RABGAP1L: variants seen among roughly 807,000 people sequenced by gnomAD.
RABGAP1L encodes the protein rab GTPase-activating protein 1-like.
Under a neutral mutation model 137.7 loss-of-function variants are expected in RABGAP1L, and 63 were observed. That is an observed-to-expected ratio of 0.46 (90% CI 0.37 to 0.56). The LOEUF is 0.56. Ranked by LOEUF, RABGAP1L falls within the 20% of genes least tolerant of loss-of-function variation. The pLI, the probability that RABGAP1L is intolerant of heterozygous loss-of-function variation, is 0.00. For synonymous variants in RABGAP1L, 431 were observed against 433.7 expected, an observed-to-expected ratio of 0.99 and a Z score of 0.08; for missense variants, 1,095 against 1,244.0, an observed-to-expected ratio of 0.88 and a Z score of 1.80.
intron 13 of RABGAP1L, among the ~76,000 whole-genome samples, chr1:174,527,875 T>C (rs1228746942): frequency 6.6e-6 from 1 of 150,886 alleles, no homozygotes. Context: ...CCTCCTGGAA[T>C]AATTACTTTA....
chr1:174,472,761 T>A (rs969440716), intron 13 of RABGAP1L, among the ~76,000 whole-genome samples: 2 of 152,142 alleles, frequency 1.3e-5, no homozygotes, highest in African/African-American at 4.8e-5. Flanking sequence ...AATTTCAGAC[T>A]CTCAGAAGGA....
At chr1:174,713,431 G>A (rs998344360) in intron 17 of RABGAP1L, among the ~76,000 whole-genome samples, 1 of 152,158 alleles carries the variant, frequency 6.6e-6, no homozygotes, top group African/African-American at 2.4e-5. Flanking sequence ...AGGCCTTGTG[G>A]GAGGTATTGG....
chr1:174,262,224 G>C (rs146747154), intron 7 of RABGAP1L, among the ~76,000 whole-genome samples: 1 of 152,188 alleles, frequency 6.6e-6, no homozygotes, highest in Non-Finnish European at 1.5e-5. Context: ...ACTGAAACTT[G>C]TAATCAGGAC....
At chr1:174,306,534 C>A (rs543104298) in intron 11 of RABGAP1L, among the ~76,000 whole-genome samples, 3 of 152,116 alleles carry the variant, frequency 2.0e-5, no homozygotes, top group African/African-American at 7.2e-5. Context: ...AGCATTTTTT[C>A]ATGTGTCTGT....
chr1:174,546,290 C>G (rs979814502), intron 13 of RABGAP1L, among the ~76,000 whole-genome samples: 1 of 152,118 alleles, frequency 6.6e-6, no homozygotes, highest in African/African-American at 2.4e-5. Context: ...TATTAGACCA[C>G]CTACTTACAT....
chr1:174,924,573 G>GTA (rs1662394161), intron 19 of RABGAP1L, among the ~76,000 whole-genome samples: 1 of 152,060 alleles, frequency 6.6e-6, no homozygotes, highest in Non-Finnish European at 1.5e-5. Context: ...ATTCTGCTCA[G>GTA]ATGTATTACT....
chr1:174,790,788 C>G (rs1452018430), intron 18 of RABGAP1L, among the ~76,000 whole-genome samples: 3 of 146,814 alleles, frequency 2.0e-5, no homozygotes, highest in Admixed American at 2.0e-4. Context: ...TGTGTGTGGG[C>G]AGGGGGCGGG....
chr1:174,369,687 CTT>C (rs1048132619), intron 11 of RABGAP1L, among the ~76,000 whole-genome samples: 2 of 152,078 alleles, frequency 1.3e-5, no homozygotes, highest in African/African-American at 2.4e-5. Context: ...TTTGCTTTAA[CTT>C]TTAAAATATC....
At chr1:174,500,430 C>G (rs1240789655) in intron 13 of RABGAP1L, among the ~76,000 whole-genome samples, 1 of 152,036 alleles carries the variant, frequency 6.6e-6, no homozygotes, top group Non-Finnish European at 1.5e-5. Flanking sequence ...ATACTGGCCC[C>G]CTCAATGTAT....
intron 7 of RABGAP1L, among the ~76,000 whole-genome samples, chr1:174,257,902 C>A (rs1673256765): frequency 6.6e-6 from 1 of 152,148 alleles, no homozygotes; most frequent in African/African-American, 2.4e-5. Flanking sequence ...TTTATTTTAA[C>A]AACTATTTTG....
intron 13 of RABGAP1L, among the ~76,000 whole-genome samples, chr1:174,493,821 G>GAAAAAA (rs1216753395): frequency 3.3e-5 from 3 of 89,616 alleles, no homozygotes; most frequent in Non-Finnish European, 4.5e-5. Flanking sequence ...GACCCTGTCT[G>GAAAAAA]AAAAAAAAAA....
intron 18 of RABGAP1L, among the ~76,000 whole-genome samples, chr1:174,773,788 T>G (rs1280614996): frequency 1.3e-5 from 2 of 152,210 alleles, no homozygotes; most frequent in African/African-American, 4.8e-5. Flanking sequence ...GTCATAATCT[T>G]TGAGATATAT....
chr1:174,453,569 A>G (rs529868482), intron 13 of RABGAP1L, among the ~76,000 whole-genome samples: 1 of 152,322 alleles, frequency 6.6e-6, no homozygotes, highest in East Asian at 1.9e-4. Context: ...ATTTTGGTGC[A>G]TAGGAGCATG....
At chr1:174,938,046 C>T (rs1665205540) in intron 19 of RABGAP1L, among the ~76,000 whole-genome samples, 1 of 133,358 alleles carries the variant, frequency 7.5e-6, no homozygotes, top group Non-Finnish European at 1.7e-5. Context: ...TTCCCTTGAG[C>T]TAAAAGCATA....
intron 20 of RABGAP1L, among the ~76,000 whole-genome samples, chr1:174,967,660 A>T (rs1002125): frequency 0.11 from 16,367 of 151,666 alleles, 965 homozygotes; most frequent in East Asian, 0.23. Flanking sequence ...ATTTTTAAAA[A>T]TTTTTTTGTA....
At chr1:174,802,433 C>T (rs1019428903) in intron 18 of RABGAP1L, among the ~76,000 whole-genome samples, 1 of 152,130 alleles carries the variant, frequency 6.6e-6, no homozygotes, top group African/African-American at 2.4e-5. Flanking sequence ...AATGGAGAAA[C>T]CCCATCTCTA....
chr1:174,172,212 G>A lies in RABGAP1L; in HGVS notation c.-34+12555G>A, dbSNP rs1349556003. On this transcript the variant is annotated intron_variant, in intron 1 of 25. Transcript: ENST00000681986. ...TGTGTGTGTGTGTGTGTGTGTGTGT[G>A]TGTGTATATATGCCACAAATTCTTT... Among the ~76,000 whole-genome samples, 326 of 119,678 alleles carry A rather than the reference G, an allele frequency of 2.7e-3. 3 individuals are homozygous for A. The highest frequency in any genetic ancestry group is 5.4e-3 in the South Asian group (20 of 3,696). The allele number at this position is 119,678 out of a possible 152,430, so 78.5% of individuals were successfully genotyped here. A position where few individuals can be genotyped will look rare whatever the true frequency, so the allele number is the denominator to read the frequency against.
At chr1:174,253,905 A>G (rs1172371349) in intron 7 of RABGAP1L, among the ~76,000 whole-genome samples, 1 of 152,142 alleles carries the variant, frequency 6.6e-6, no homozygotes, top group Admixed American at 6.5e-5. Context: ...ACTGCTGTAT[A>G]CTATGTCTTA....
chr1:174,849,740 A>C (rs1042305545), intron 19 of RABGAP1L: 1 of 479,820 alleles, frequency 2.1e-6, no homozygotes, highest in Non-Finnish European at 4.2e-6. Context: ...TCTGTTCTAA[A>C]TGGTATTCTT....
Sources: allele counts gnomAD v4.1 joint callset (sites outside exome capture counted in the v4.1 genomes callset), GRCh38; gene constraint gnomAD v4.1.1; transcripts MANE v1.5; gene names NCBI Gene and HGNC (gene_info 2026-07-23, HGNC 2026-07-21).